PGAP2: variants seen among roughly 807,000 people sequenced by gnomAD.
PGAP2 encodes acyltransferase PGAP2.
PGAP2 carries 21 observed loss-of-function variants against 33.2 expected under a neutral mutation model. The ratio of observed to expected loss-of-function variants is 0.63; its 90% CI spans 0.45 to 0.91. The LOEUF is 0.91. Ranked by LOEUF, PGAP2 falls within the 40% of genes least tolerant of loss-of-function variation. The pLI is 0.00. For missense variants in PGAP2, 345 were observed against 424.0 expected (o/e 0.81, Z 1.64); for synonymous variants, 161 against 172.9 (o/e 0.93, Z 0.54).
At chr11:3,808,080 C>T, upstream of PGAP2, 2 of 1,438,134 alleles carry the variant, frequency 1.4e-6, no homozygotes, top group South Asian at 2.9e-5. Flanking sequence ...GTCTCACTGC[C>T]TGCAAAGGTG....
At chr11:3,801,843 GC>G (rs1387684136) in intron 1 of PGAP2, among the ~76,000 whole-genome samples, 4 of 151,936 alleles carry the variant, frequency 2.6e-5, no homozygotes, top group Non-Finnish European at 5.9e-5. Flanking sequence ...TAGTCGGGAG[GC>G]TGAGGCAGGA....
rs59031772 is a variant in PGAP2, at chr11:3,820,822, CAAAT to C, written c.349-3045_349-3042del. ...TGGGTGACAGAGCGAGACCCTGTCT[CAAAT>C]AAATAAATAAATAAAGAGAATTCAT... is the stretch of plus-strand genomic sequence containing the variant. On this transcript the variant is annotated intron_variant, in intron 3 of 6. Coordinates refer to ENST00000278243, the MANE Select transcript of PGAP2 (RefSeq NM_014489.4). Among the ~76,000 whole-genome samples, 14 of 151,960 alleles carry C rather than the reference CAAAT, an allele frequency of 9.2e-5. No individual in the cohort carries two copies. In the East Asian group the frequency reaches 1.4e-3, roughly 15 times the overall value.
chr11:3,808,233 A>G (rs1468185809), upstream of PGAP2: 4 of 1,539,150 alleles, frequency 2.6e-6, no homozygotes, highest in Non-Finnish European at 3.5e-6. Context: ...GAGGCAGGAG[A>G]GACGGGCGGA....
At chr11:3,820,279 C>T (rs921043187) in intron 3 of PGAP2, among the ~76,000 whole-genome samples, 3 of 152,220 alleles carry the variant, frequency 2.0e-5, no homozygotes, top group African/African-American at 7.2e-5. Flanking sequence ...CCATGTAGCT[C>T]ACAGCGTTTT....
intron 2 of PGAP2, among the ~76,000 whole-genome samples, chr11:3,814,800 C>CTT (rs776876838): frequency 8.5e-6 from 1 of 117,980 alleles, no homozygotes. Context: ...TTCTTTCTTT[C>CTT]TTTCTTTCTT....
Position 3,811,458 on chromosome 11 carries a change from G to A in PGAP2, c.165+34G>A. The stretch of plus-strand genomic sequence containing the variant: ...TGGGGACACTGATACCTCATATTCA[G>A]GCCGATCTGGATCTTCTTTAGATCT... On this transcript the variant is annotated intron_variant, in intron 2 of 6. Transcript: ENST00000278243. This position sits in a 1 kb window ranked among gnomAD's most constrained non-coding sequence, Gnocchi z 4.6. 1.9e-6 allele frequency: 3 copies of A among 1,579,196 alleles called. No individual in the cohort carries two copies. The highest frequency in any genetic ancestry group is 2.6e-6 in the Non-Finnish European group (3 of 1,155,104).
chr11:3,804,460 A>AT (rs2083990301), upstream of PGAP2, among the ~76,000 whole-genome samples: 1 of 152,028 alleles, frequency 6.6e-6, no homozygotes, highest in Admixed American at 6.5e-5. Context: ...AAGGACACTG[A>AT]TTTTCCTGAG....
chr11:3,812,445 G>A (rs2134402776), intron 2 of PGAP2, among the ~76,000 whole-genome samples: 1 of 152,250 alleles, frequency 6.6e-6, no homozygotes, highest in Admixed American at 6.5e-5. Flanking sequence ...ATAAAATAGG[G>A]TTGATAATTC....
At position 3,801,950 on chromosome 11, in the gene PGAP2, C is replaced by CTAAA. The variant is rs112517361; in HGVS notation, c.139+3993_139+3996dup. On this transcript the variant is annotated intron_variant, in intron 1 of 6. Transcript: ENST00000300730. ...TGTGTGACAGAGGGAGATTCTGTCT[C>CTAAA]TAAATAAATAAATAAATAAATAAAT... 5.8e-3 allele frequency among the ~76,000 whole-genome samples: 883 copies of CTAAA among 151,836 alleles called. 8 individuals are homozygous for CTAAA. The highest frequency in any genetic ancestry group is 0.035 in the South Asian group (166 of 4,794).
At chr11:3,817,588 T>A in intron 3 of PGAP2, 53 bp downstream of exon 3, 1 of 1,448,408 alleles carries the variant, frequency 6.9e-7, no homozygotes, top group Non-Finnish European at 9.7e-7. Context: ...GAGGTGGCAG[T>A]TAGGGTAGAA....
upstream of PGAP2, chr11:3,808,008 C>A (rs973394876): frequency 1.0e-5 from 14 of 1,335,198 alleles, no homozygotes; most frequent in East Asian, 4.2e-4. Context: ...GGACAGGGCG[C>A]CCTCTCCTGA....
At chr11:3,810,818 C>T (rs1355120403) in intron 1 of PGAP2, among the ~76,000 whole-genome samples, 1 of 152,180 alleles carries the variant, frequency 6.6e-6, no homozygotes, top group Non-Finnish European at 1.5e-5. Flanking sequence ...GATGAGAGGC[C>T]TTGAAGCCTG....
chr11:3,801,661 G>A (rs1311737047), intron 1 of PGAP2, among the ~76,000 whole-genome samples: 9 of 44,454 alleles, frequency 2.0e-4, no homozygotes, highest in East Asian at 8.5e-4. Flanking sequence ...AAAAAAAAAA[G>A]TTTCCGGGCA....
At chr11:3,807,893 TG>T, upstream of PGAP2, 1 of 242,706 alleles carries the variant, frequency 4.1e-6, no homozygotes, top group Non-Finnish European at 7.0e-6. Context: ...GGGTCAGTCA[TG>T]GTCAGGGTAG....
intron 2 of PGAP2, among the ~76,000 whole-genome samples, chr11:3,815,536 C>T (rs1184368414): frequency 6.6e-6 from 1 of 152,196 alleles, no homozygotes; most frequent in Non-Finnish European, 1.5e-5. Context: ...TCTCGAACTC[C>T]TGACCTCAGG....
chr11:3,798,827 G>C (rs530580194), intron 1 of PGAP2, among the ~76,000 whole-genome samples: 49 of 148,028 alleles, frequency 3.3e-4, no homozygotes, highest in African/African-American at 1.2e-3. Context: ...ATTTTTAGTA[G>C]AGATGGGGTT....
At chr11:3,822,569 G>T (rs150977402) in intron 3 of PGAP2, among the ~76,000 whole-genome samples, 2 of 152,210 alleles carry the variant, frequency 1.3e-5, no homozygotes, top group South Asian at 2.1e-4. Flanking sequence ...AGGAGGTCAA[G>T]GCTGCAGTGA....
At position 3,811,143 on chromosome 11, in the gene PGAP2, A is replaced by G; in HGVS notation, c.-10-107A>G. On this transcript the variant is annotated intron_variant, in intron 1 of 6. Transcript: ENST00000278243. The surrounding 1 kb of genome is among the most constrained non-coding windows in gnomAD (Gnocchi z 4.6). ...AGGTGCCTTCCTCCTCAGACTCCCC[A>G]CCCCACAGCACACAGCTAATTTTAG... The G allele has an allele frequency of 9.8e-7, 1 of 1,018,668 alleles. No individual in the cohort carries two copies. The highest frequency in any genetic ancestry group is 1.4e-6 in the Non-Finnish European group (1 of 695,954). The allele number at this position is 1,018,668 out of a possible 1,614,324, so 63.1% of individuals were successfully genotyped here.
At chr11:3,809,935 T>G (rs2085203020) in intron 1 of PGAP2, among the ~76,000 whole-genome samples, 1 of 152,140 alleles carries the variant, frequency 6.6e-6, no homozygotes, top group Non-Finnish European at 1.5e-5. Context: ...TTTTTGAGGG[T>G]GGGACTAAAG....
Sources: allele counts gnomAD v4.1 joint callset (sites outside exome capture counted in the v4.1 genomes callset), GRCh38; gene constraint gnomAD v4.1.1; non-coding constraint Gnocchi (gnomAD v3.1); transcripts MANE v1.5; gene names NCBI Gene and HGNC (gene_info 2026-07-23, HGNC 2026-07-21).